COL22A1: variants seen among roughly 807,000 people sequenced by gnomAD.
COL22A1 encodes collagen type XXII alpha 1 chain, also known as collagen alpha-1(XXII) chain.
COL22A1 carries 221 observed loss-of-function variants against 248.9 expected under a neutral mutation model. The observed-to-expected ratio is 0.89, with a 90% CI of 0.80 to 0.99. The LOEUF (loss-of-function observed/expected upper bound fraction) is 0.99, where lower values mean the gene tolerates loss of function less well. Among genes scored for constraint, COL22A1 ranks in the 50% least tolerant of loss-of-function variants. The pLI is 0.00. For missense variants in COL22A1, 2,240 were observed against 2,179.0 expected (o/e 1.03, Z -0.56); for synonymous variants, 891 against 793.4 (o/e 1.12, Z -2.07).
intron 15 of COL22A1, among the ~76,000 whole-genome samples, chr8:138,776,367 A>T (rs958732330): frequency 3.3e-5 from 5 of 152,190 alleles, no homozygotes; most frequent in African/African-American, 1.2e-4. Flanking sequence ...AAGACACTAC[A>T]TCTGTGATAC....
chr8:138,604,096 G>A (rs1326141459), intron 59 of COL22A1, among the ~76,000 whole-genome samples: 1 of 152,168 alleles, frequency 6.6e-6, no homozygotes, highest in East Asian at 1.9e-4. Context: ...CTCAGTTTGA[G>A]TAGGAATAAG....
chr8:138,794,134 C>G (rs922253642), intron 12 of COL22A1, among the ~76,000 whole-genome samples: 3 of 152,168 alleles, frequency 2.0e-5, no homozygotes, highest in African/African-American at 7.2e-5. Flanking sequence ...CGCCTGTAAT[C>G]TCAACACTTT....
At chr8:138,821,456 A>T (rs1819125009) in intron 6 of COL22A1, 45 bp from the exon 7 acceptor site, 1 of 1,578,336 alleles carries the variant, frequency 6.3e-7, no homozygotes, top group African/African-American at 1.3e-5. Flanking sequence ...CTTGGGGCCA[A>T]GGGAAAAGGA....
At chr8:138,810,540 C>A (rs1467163140) in intron 9 of COL22A1, among the ~76,000 whole-genome samples, 2 of 152,174 alleles carry the variant, frequency 1.3e-5, no homozygotes, top group African/African-American at 4.8e-5. Context: ...TTACACAGGC[C>A]CCAGGCTGAA....
chr8:138,602,019 A>C, intron 60 of COL22A1, 96 bp downstream of exon 60: 1 of 1,349,864 alleles, frequency 7.4e-7, no homozygotes, highest in Non-Finnish European at 1.1e-6. Context: ...GCGGGTGTTT[A>C]CTAACTGCCT....
intron 48 of COL22A1, 100 bp from the exon 49 acceptor site, chr8:138,635,163 C>A: frequency 1.1e-6 from 1 of 942,580 alleles, no homozygotes; most frequent in Non-Finnish European, 1.6e-6. Flanking sequence ...ATCCACCTTC[C>A]AACCCTACTA....
chr8:138,616,034 C>T lies in COL22A1; in HGVS notation c.3891G>A (p.Gly1297=). Residue 1297 remains glycine, a synonymous_variant, in exon 55 of 65, where the codon GGG becomes GGA. Coordinates refer to ENST00000303045, the MANE Select transcript of COL22A1 (RefSeq NM_152888.3). The part of the protein sequence containing the change: ...PGPRGESGAM[G]LPGQEGLPGK... ...CTGGTAACCCTTCCTGACCAGGAAG[C>T]CCCATGGCACCAGACTCTCCCTAGG... The T allele has an allele frequency of 6.2e-7, 1 of 1,613,344 alleles. No individual in the cohort carries two copies. Among genetic ancestry groups the T allele is most frequent in the Non-Finnish European group, 8.5e-7 (1 of 1,179,548 alleles).
chr8:138,734,266 C>T (rs902600163), intron 23 of COL22A1, among the ~76,000 whole-genome samples: 1 of 152,184 alleles, frequency 6.6e-6, no homozygotes, highest in Non-Finnish European at 1.5e-5. Context: ...ATGAAAACAC[C>T]TCCTCTATCT....
chr8:138,747,469 C>T (rs968652593), intron 22 of COL22A1, among the ~76,000 whole-genome samples: 3 of 152,158 alleles, frequency 2.0e-5, no homozygotes, highest in Non-Finnish European at 4.4e-5. Flanking sequence ...TCCTGCCAGG[C>T]CCCTTGCTGG....
At chr8:138,662,707 C>T (rs1176564486) in intron 42 of COL22A1, among the ~76,000 whole-genome samples, 1 of 152,072 alleles carries the variant, frequency 6.6e-6, no homozygotes, top group Non-Finnish European at 1.5e-5. Context: ...ATCTCCTGGG[C>T]CTTCACAGAC....
chr8:138,655,803 T>C lies in COL22A1; in HGVS notation c.3333+94A>G. On this transcript the variant is annotated intron_variant, in intron 45 of 64. Coordinates refer to ENST00000303045, the MANE Select transcript of COL22A1 (RefSeq NM_152888.3). ...TGCTGTTATCGTTAATACTACCAAATAGTTGTTCAAAAAAAACCCCAACTT... is the reference window on the plus strand; with the variant it reads ...TGCTGTTATCGTTAATACTACCAAACAGTTGTTCAAAAAAAACCCCAACTT... 1.6e-5 allele frequency: 16 copies of C among 1,030,718 alleles called. No homozygotes were observed. In the South Asian group the frequency reaches 1.8e-4, roughly 12 times the overall value. 63.8% of individuals were successfully genotyped at this position (1,030,718 alleles called of 1,614,324 possible).
At chr8:138,912,919 G>A (rs543288606) in intron 1 of COL22A1, among the ~76,000 whole-genome samples, 2 of 152,292 alleles carry the variant, frequency 1.3e-5, no homozygotes, top group South Asian at 2.1e-4. Context: ...CTTGCCTTGA[G>A]TGGGGAGAAG....
chr8:138,646,351 C>T (rs1185705617), intron 47 of COL22A1, among the ~76,000 whole-genome samples: 1 of 152,184 alleles, frequency 6.6e-6, no homozygotes, highest in Non-Finnish European at 1.5e-5. Flanking sequence ...GACCACAAAA[C>T]TCATGTCTTA....
chr8:138,909,628 C>T (rs1203588867), intron 1 of COL22A1, among the ~76,000 whole-genome samples: 8 of 152,086 alleles, frequency 5.3e-5, no homozygotes, highest in African/African-American at 1.7e-4. Context: ...CCAGGGTTAA[C>T]TAGTAGTGAG....
At chr8:138,757,480 G>T (rs1833111599) in intron 18 of COL22A1, among the ~76,000 whole-genome samples, 1 of 150,724 alleles carries the variant, frequency 6.6e-6, no homozygotes, top group African/African-American at 2.4e-5. Context: ...CCACAAAAGT[G>T]AGTTTCCAAT....
chr8:138,693,137 C>T (rs80250028), intron 35 of COL22A1, among the ~76,000 whole-genome samples: 4 of 152,144 alleles, frequency 2.6e-5, no homozygotes, highest in South Asian at 2.1e-4. Flanking sequence ...GCCAGCCCCA[C>T]GGGGATCAAA....
chr8:138,811,091 T>A (rs1395940686), intron 9 of COL22A1, among the ~76,000 whole-genome samples: 2 of 152,128 alleles, frequency 1.3e-5, no homozygotes, highest in Non-Finnish European at 2.9e-5. Flanking sequence ...GGAGAAGAAC[T>A]TTTTTACCCC....
At chr8:138,594,294 ATAATAGCTGCAGAAAC>A in intron 62 of COL22A1, 95 bp from the exon 63 acceptor site, 1 of 1,080,260 alleles carries the variant, frequency 9.3e-7, no homozygotes, top group Non-Finnish European at 1.3e-6. Flanking sequence ...CAGGGGGCCG[ATAATAGCTGCAGAAAC>A]GGACATAGGA....
intron 37 of COL22A1, 152 bp downstream of exon 37, chr8:138,688,765 G>A (rs1465133340): frequency 3.1e-6 from 2 of 650,010 alleles, no homozygotes; most frequent in Admixed American, 2.5e-5. Flanking sequence ...ATGAGCCAAT[G>A]GGATGGCACA....
Sources: gnomAD v4.1 joint callset for allele counts (sites outside exome capture counted in the v4.1 genomes callset) on GRCh38, gnomAD v4.1.1 for gene constraint, MANE v1.5 for transcripts, NCBI Gene and HGNC (gene_info 2026-07-23, HGNC 2026-07-21) for gene names.